The following VRK2 variants were observed in gnomAD, a reference collection of about 807,000 sequenced individuals.
VRK2 encodes VRK serine/threonine kinase 2.
VRK2 carries 60 observed loss-of-function variants against 57.6 expected under a neutral mutation model. The ratio of observed to expected loss-of-function variants is 1.04; its 90% CI spans 0.85 to 1.29. VRK2 has a LOEUF of 1.29. Among genes scored for constraint, VRK2 ranks in the 50% most tolerant of loss-of-function variants. The pLI, the probability that VRK2 is intolerant of heterozygous loss-of-function variation, is 0.00. For synonymous variants in VRK2, 231 were observed against 199.2 expected (o/e 1.16, Z -1.35); for missense variants, 705 against 588.1 (o/e 1.20, Z -2.06).
intron 1 of VRK2, among the ~76,000 whole-genome samples, chr2:57,955,041 A>T (rs752730271): frequency 1.3e-5 from 2 of 152,198 alleles, no homozygotes; most frequent in Non-Finnish European, 2.9e-5. Context: ...AAACTAGGAC[A>T]TGGGGTAACA....
At chr2:58,098,924 G>T (rs1013355017) in intron 7 of VRK2, among the ~76,000 whole-genome samples, 1 of 151,998 alleles carries the variant, frequency 6.6e-6, no homozygotes, top group Non-Finnish European at 1.5e-5. Flanking sequence ...TCATTGATAG[G>T]TAGGTAGATA....
chr2:58,052,293 C>T (rs1173017755), intron 2 of VRK2, among the ~76,000 whole-genome samples: 1 of 151,942 alleles, frequency 6.6e-6, no homozygotes, highest in East Asian at 1.9e-4. Context: ...TATTTATTTC[C>T]ATAGACTTTC....
intron 1 of VRK2, among the ~76,000 whole-genome samples, chr2:57,976,011 G>A (rs1277255989): frequency 1.3e-5 from 2 of 152,028 alleles, no homozygotes; most frequent in Non-Finnish European, 2.9e-5. Context: ...GTGAGAGCAT[G>A]TGGTATTTGG....
At chr2:58,077,163 G>A (rs72810333) in intron 2 of VRK2, among the ~76,000 whole-genome samples, 105 of 151,868 alleles carry the variant, frequency 6.9e-4, no homozygotes, top group Non-Finnish European at 1.1e-3. Flanking sequence ...TGAGCTTAGC[G>A]CTCTTTTTTT....
intron 12 of VRK2, among the ~76,000 whole-genome samples, chr2:58,151,736 T>C (rs1264851092): frequency 3.6e-5 from 3 of 82,808 alleles, no homozygotes; most frequent in African/African-American, 1.1e-4. Flanking sequence ...TGCTTGTTTT[T>C]TTTTTTTTTT....
chr2:57,960,851 T>C (rs973857186), intron 1 of VRK2, among the ~76,000 whole-genome samples: 1 of 152,168 alleles, frequency 6.6e-6, no homozygotes, highest in Non-Finnish European at 1.5e-5. Context: ...AAAACAAACA[T>C]AACAGATGGG....
intron 2 of VRK2, among the ~76,000 whole-genome samples, chr2:58,066,193 A>AG (rs1668585758): frequency 6.6e-6 from 1 of 152,148 alleles, no homozygotes; most frequent in African/African-American, 2.4e-5. Context: ...ATTTTTAGGG[A>AG]GAATGTATTC....
At chr2:58,135,304 C>A in intron 10 of VRK2, 105 bp downstream of exon 10, 1 of 1,224,958 alleles carries the variant, frequency 8.2e-7, no homozygotes. Flanking sequence ...CTATTCCCAT[C>A]AGGGTGGGAA....
At chr2:58,080,393 T>A (rs987372187) in intron 2 of VRK2, among the ~76,000 whole-genome samples, 2 of 152,036 alleles carry the variant, frequency 1.3e-5, no homozygotes, top group African/African-American at 2.4e-5. Flanking sequence ...GAGAAAAAAC[T>A]TAATTGCATT....
At chr2:58,123,277 G>C in intron 8 of VRK2, 44 bp downstream of exon 8, 1 of 1,567,272 alleles carries the variant, frequency 6.4e-7, no homozygotes, top group Non-Finnish European at 8.6e-7. Context: ...TCAGAAGAAT[G>C]ATTAGAGACA....
At chr2:57,954,219 C>T (rs1022692610) in intron 1 of VRK2, among the ~76,000 whole-genome samples, 22 of 152,096 alleles carry the variant, frequency 1.4e-4, no homozygotes, top group African/African-American at 4.8e-4. Context: ...TTATGCAATA[C>T]TTATTTTTAC....
In VRK2 at chr2:58,159,838, C is replaced by CACTCT; in HGVS notation, c.*147_*151dup. The stretch of plus-strand genomic sequence containing the variant: ...AACATATTTTAACAAAGTTTGTGGA[C>CACTCT]ACTCTAAAAAATAAAATTGCTTTGT... On this transcript the variant is annotated 3_prime_UTR_variant, in exon 13 of 13. Coordinates refer to ENST00000340157, the MANE Select transcript of VRK2 (RefSeq NM_006296.7). 2 of 1,609,032 alleles carry CACTCT rather than the reference C, an allele frequency of 1.2e-6. No individual in the cohort carries two copies. Among genetic ancestry groups the CACTCT allele is most frequent in the Non-Finnish European group, 1.7e-6 (2 of 1,178,254 alleles).
chr2:58,086,457 C>A, intron 5 of VRK2, 31 bp downstream of exon 5: 1 of 1,531,248 alleles, frequency 6.5e-7, no homozygotes, highest in Non-Finnish European at 8.8e-7. Flanking sequence ...TCAAATATTT[C>A]TTTATAACTA....
At chr2:58,001,321 C>T (rs1424757711) in intron 1 of VRK2, among the ~76,000 whole-genome samples, 1 of 152,132 alleles carries the variant, frequency 6.6e-6, no homozygotes, top group African/African-American at 2.4e-5. Context: ...CATGTCATTG[C>T]ATACAATGAA....
intron 1 of VRK2, among the ~76,000 whole-genome samples, chr2:57,929,714 G>T (rs762619830): frequency 6.6e-6 from 1 of 152,132 alleles, no homozygotes; most frequent in Non-Finnish European, 1.5e-5. Context: ...AAGGCCCACA[G>T]AAAGTACTGC....
At chr2:57,968,281 G>C (rs1350344286) in intron 1 of VRK2, among the ~76,000 whole-genome samples, 2 of 151,858 alleles carry the variant, frequency 1.3e-5, no homozygotes, top group Non-Finnish European at 2.9e-5. Flanking sequence ...ATAAACATAT[G>C]AACTATAAAT....
chr2:57,938,362 G>A (rs191232569), intron 1 of VRK2, among the ~76,000 whole-genome samples: 67 of 152,198 alleles, frequency 4.4e-4, no homozygotes, highest in African/African-American at 1.6e-3. Context: ...ACACAGTCTT[G>A]GAAATCTTCA....
intron 10 of VRK2, 150 bp from the exon 11 acceptor site, chr2:58,139,516 A>G: frequency 1.5e-6 from 1 of 676,758 alleles, no homozygotes; most frequent in Admixed American, 3.0e-5. Context: ...ATATCATTTA[A>G]AAAGTTATTT....
intron 1 of VRK2, among the ~76,000 whole-genome samples, chr2:57,980,805 A>G (rs1307378269): frequency 6.6e-6 from 1 of 151,790 alleles, no homozygotes; most frequent in Non-Finnish European, 1.5e-5. Flanking sequence ...GTCCTTTTTG[A>G]TCATTGTTGG....
Sources: allele counts gnomAD v4.1 joint callset (sites outside exome capture counted in the v4.1 genomes callset), GRCh38; gene constraint gnomAD v4.1.1; transcripts MANE v1.5; gene names NCBI Gene and HGNC (gene_info 2026-07-23, HGNC 2026-07-21).